Variants in ERAP1 observed in about 807,000 individuals in gnomAD.
ERAP1 encodes the protein endoplasmic reticulum aminopeptidase 1.
Under a neutral mutation model 103.7 loss-of-function variants are expected in ERAP1, and 86 were observed. The observed-to-expected ratio is 0.83, with a 90% confidence interval of 0.70 to 0.99. The LOEUF is 0.99. Ranked by LOEUF, ERAP1 falls within the 50% of genes least tolerant of loss-of-function variation. ERAP1 has a pLI of 0.00. For synonymous variants in ERAP1, 398 were observed against 402.4 expected, an observed-to-expected ratio of 0.99 and a Z score of 0.13; for missense variants, 1,009 against 1,128.4, an observed-to-expected ratio of 0.89 and a Z score of 1.52.
At chr5:96,814,210 C>T in the ERAP1 span, 1 of 455,842 alleles carries the variant, frequency 2.2e-6, no homozygotes. Flanking sequence ...GGATTGAGAA[C>T]CTCAGTGTTT....
chr5:96,870,648 T>C, the ERAP1 span, among the ~76,000 whole-genome samples: 1 of 152,248 alleles, frequency 6.6e-6, no homozygotes, highest in Admixed American at 6.5e-5. Flanking sequence ...ATAAACCCAG[T>C]TGGTTCAAAA....
chr5:96,920,504 T>C, the ERAP1 span, among the ~76,000 whole-genome samples: 2 of 152,206 alleles, frequency 1.3e-5, no homozygotes, highest in Non-Finnish European at 2.9e-5. Flanking sequence ...TTAAATTTTT[T>C]GTTTTGTGTT....
chr5:96,787,726 A>G (rs35983588), intron 11 of ERAP1, among the ~76,000 whole-genome samples: 24,518 of 151,598 alleles, frequency 0.16, 2,263 homozygotes, highest in Non-Finnish European at 0.22. Flanking sequence ...ATATCGATTA[A>G]TCAAGATTTA....
At chr5:96,892,344 G>T in the ERAP1 span, 4 of 1,613,930 alleles carry the variant, frequency 2.5e-6, no homozygotes, top group Non-Finnish European at 3.4e-6. Flanking sequence ...ATGGAAAATT[G>T]GGGCCTCATT....
chr5:96,861,336 C>G, the ERAP1 span, among the ~76,000 whole-genome samples: 1 of 152,310 alleles, frequency 6.6e-6, no homozygotes, highest in South Asian at 2.1e-4. Context: ...TCGACTAACT[C>G]TCTGGTAACA....
chr5:96,874,166 G>GAA, the ERAP1 span, among the ~76,000 whole-genome samples: 497 of 93,814 alleles, frequency 5.3e-3, 4 homozygotes, highest in Non-Finnish European at 8.1e-3. Context: ...AAGAAAGAAA[G>GAA]AAAGAAAGAA....
At chr5:96,845,600 C>T in the ERAP1 span, among the ~76,000 whole-genome samples, 1 of 152,176 alleles carries the variant, frequency 6.6e-6, no homozygotes, top group East Asian at 1.9e-4. Flanking sequence ...TTTTGTTTGA[C>T]TAATTTATCT....
chr5:96,909,581 G>A, the ERAP1 span: 14 of 1,613,378 alleles, frequency 8.7e-6, no homozygotes, highest in African/African-American at 8.0e-5. Flanking sequence ...TTTCTGCAGC[G>A]TTACCTTCTT....
the ERAP1 span, among the ~76,000 whole-genome samples, chr5:96,841,152 A>G: frequency 2.6e-5 from 4 of 152,144 alleles, no homozygotes; most frequent in Admixed American, 6.5e-5. Flanking sequence ...CTAATTTTCT[A>G]CTTGCTTAAC....
chr5:96,868,679 A>G, the ERAP1 span, among the ~76,000 whole-genome samples: 3 of 152,148 alleles, frequency 2.0e-5, no homozygotes, highest in East Asian at 3.8e-4. Flanking sequence ...GCTTGTTAAA[A>G]TACAGATTTC....
chr5:96,912,501 G>A, the ERAP1 span: 2 of 527,012 alleles, frequency 3.8e-6, no homozygotes, highest in Non-Finnish European at 6.4e-6. Context: ...ATAAGAGTTC[G>A]GCAGAGAAAA....
At chr5:96,814,195 C>T in the ERAP1 span, 1 of 455,390 alleles carries the variant, frequency 2.2e-6, no homozygotes, top group South Asian at 1.6e-5. Flanking sequence ...TCCTCATTGA[C>T]TATCGGATTG....
chr5:96,915,328 A>T, the ERAP1 span, among the ~76,000 whole-genome samples: 1 of 152,216 alleles, frequency 6.6e-6, no homozygotes, highest in South Asian at 2.1e-4. Flanking sequence ...TATAAATAAA[A>T]ATATGTATAT....
chr5:96,852,985 G>A, the ERAP1 span, among the ~76,000 whole-genome samples: 1 of 152,064 alleles, frequency 6.6e-6, no homozygotes, highest in African/African-American at 2.4e-5. Flanking sequence ...GACTGTAGAC[G>A]ACTTTAAATT....
chr5:96,761,193 A>G (rs963044483), exon 20 of ERAP1: 6 of 152,226 alleles, frequency 3.9e-5, no homozygotes, highest in African/African-American at 1.4e-4. Flanking sequence ...AGGTTGTTTC[A>G]TACTTAGTAT....
At chr5:96,857,177 G>C in the ERAP1 span, among the ~76,000 whole-genome samples, 4 of 152,132 alleles carry the variant, frequency 2.6e-5, no homozygotes, top group Admixed American at 6.6e-5. Context: ...CATCTTTCAG[G>C]ACTCAGCATC....
chr5:96,917,650 T>C, the ERAP1 span: 2 of 1,424,738 alleles, frequency 1.4e-6, no homozygotes, highest in South Asian at 1.2e-5. Context: ...CTCACGCCTG[T>C]AATCCCAGCA....
chr5:96,879,751 T>G, the ERAP1 span: 1 of 1,614,214 alleles, frequency 6.2e-7, no homozygotes. Context: ...ACAGAGGATT[T>G]TACTGCTTAA....
intron 3 of ERAP1, among the ~76,000 whole-genome samples, chr5:96,797,967 A>G (rs1032456872): frequency 1.3e-5 from 2 of 152,298 alleles, no homozygotes; most frequent in East Asian, 3.9e-4. Context: ...TGTTGAGCAT[A>G]TACGCAACGG....
Sources: allele counts gnomAD v4.1 joint callset (sites outside exome capture counted in the v4.1 genomes callset), GRCh38; gene constraint gnomAD v4.1.1; transcripts MANE v1.5; gene names NCBI Gene and HGNC (gene_info 2026-07-23, HGNC 2026-07-21).